The following TRABD2A variants were observed in gnomAD, a reference collection of about 807,000 sequenced individuals.
TRABD2A encodes metalloprotease TIKI1.
A neutral mutation model predicts 45.6 loss-of-function variants in TRABD2A; 43 were observed. The ratio of observed to expected loss-of-function variants is 0.94; its 90% CI spans 0.74 to 1.22. The LOEUF (loss-of-function observed/expected upper bound fraction) is 1.22. TRABD2A is among the 50% of genes most tolerant of loss of function. The pLI is 0.00. For missense variants in TRABD2A, 642 were observed against 652.4 expected (o/e 0.98, Z 0.17); for synonymous variants, 269 against 265.0 (o/e 1.02, Z -0.15).
chr2:84,876,280 T>C (rs1392183612), intron 1 of TRABD2A, among the ~76,000 whole-genome samples: 1 of 152,012 alleles, frequency 6.6e-6, no homozygotes, highest in Non-Finnish European at 1.5e-5. Flanking sequence ...CTAGACAAGG[T>C]CTCCAACAGG....
rs1681308411 is a variant in TRABD2A, at chr2:84,830,906, G to A, written c.1082+1149C>T. Reference sequence around the variant, plus strand: ...ACACAACTGCTGGATCCTCTGCCAGGGGATGGGCATTTGCATCCTGGAACT... The same window carrying A: ...ACACAACTGCTGGATCCTCTGCCAGAGGATGGGCATTTGCATCCTGGAACT... On this transcript the variant is annotated intron_variant, in intron 5 of 6. Coordinates refer to ENST00000409520, the MANE Select transcript of TRABD2A (RefSeq NM_001277053.2). The surrounding 1 kb of genome is among the most constrained non-coding windows in gnomAD (Gnocchi z 4.9). Among the ~76,000 whole-genome samples the A allele has an allele frequency of 1.3e-5, 2 of 152,174 alleles. No individual in the cohort carries two copies. The highest frequency in any genetic ancestry group is 1.3e-4 in the Admixed American group (2 of 15,284).
chr2:84,860,573 C>A (rs1573943826), intron 2 of TRABD2A, among the ~76,000 whole-genome samples: 1 of 152,184 alleles, frequency 6.6e-6, no homozygotes, highest in Admixed American at 6.5e-5. Flanking sequence ...TTTATGGCAG[C>A]CCTAGCAAAC....
chr2:84,822,450 C>T (rs193236072), intron 6 of TRABD2A, among the ~76,000 whole-genome samples: 31 of 152,314 alleles, frequency 2.0e-4, no homozygotes, highest in Non-Finnish European at 1.6e-4. Context: ...TCACTGGCCA[C>T]CACAGAGGCA....
intron 1 of TRABD2A, among the ~76,000 whole-genome samples, chr2:84,877,960 C>G (rs1223213843): frequency 6.6e-6 from 1 of 152,126 alleles, no homozygotes; most frequent in African/African-American, 2.4e-5. Context: ...CAGAAGCAAA[C>G]AAAACAGACA....
chr2:84,840,565 G>A (rs1032012561), intron 3 of TRABD2A, among the ~76,000 whole-genome samples: 2 of 152,212 alleles, frequency 1.3e-5, no homozygotes, highest in Non-Finnish European at 2.9e-5. Flanking sequence ...AGCCACAGGA[G>A]AAAAATGCAT....
chr2:84,829,363 AAC>A (rs146287038), intron 5 of TRABD2A, among the ~76,000 whole-genome samples: 4,569 of 145,536 alleles, frequency 0.031, 78 homozygotes, highest in African/African-American at 0.052. Flanking sequence ...AACAACCAGC[AAC>A]ACACACACAC....
At position 84,830,740 on chromosome 2, in the gene TRABD2A, C is replaced by T. The variant is rs1681303385; in HGVS notation, c.1082+1315G>A. ...GAAGACAGGTGGGGATGAGAGAAGT[C>T]CAGGATGTATCCAGGATTTCCCGCC... On this transcript the variant is annotated intron_variant, in intron 5 of 6. Coordinates refer to ENST00000409520, the MANE Select transcript of TRABD2A (RefSeq NM_001277053.2). The surrounding 1 kb of genome is among the most constrained non-coding windows in gnomAD (Gnocchi z 4.9). Among the ~76,000 whole-genome samples the T allele has an allele frequency of 6.6e-6, 1 of 152,066 alleles. No individual in the cohort carries two copies. Among genetic ancestry groups the T allele is most frequent in the South Asian group, 2.1e-4 (1 of 4,802 alleles).
At chr2:84,837,288 C>G (rs1681548333) in intron 4 of TRABD2A, 1 of 152,206 alleles carries the variant, frequency 6.6e-6, no homozygotes, top group Non-Finnish European at 1.5e-5. Flanking sequence ...GCCTCCGCAC[C>G]TGGCCTCTTT....
At position 84,857,049 on chromosome 2, in the gene TRABD2A, AAGACACCGTCTGCAAGCCAAGG is replaced by A. The variant is rs576398823; in HGVS notation, c.669+13154_669+13175del. Among the ~76,000 whole-genome samples, 103 of 152,274 alleles carry A rather than the reference AAGACACCGTCTGCAAGCCAAGG, an allele frequency of 6.8e-4. 5 individuals are homozygous for A. The East Asian group carries it at 0.018, about 26-fold the overall frequency. ...AAAGGCTGTGTGAGGTCACAGCAAG[AAGACACCGTCTGCAAGCCAAGG>A]AGAGAGGATTCGCCCTGATCTTGAA... On this transcript the variant is annotated intron_variant, in intron 2 of 6. Transcript: ENST00000409520.
At chr2:84,844,857 G>T (rs1237407373) in intron 2 of TRABD2A, among the ~76,000 whole-genome samples, 1 of 152,220 alleles carries the variant, frequency 6.6e-6, no homozygotes, top group African/African-American at 2.4e-5. Flanking sequence ...GATGAGCTTT[G>T]CTATTCTCTT....
At chr2:84,844,207 T>C (rs1681807110) in intron 2 of TRABD2A, among the ~76,000 whole-genome samples, 1 of 152,174 alleles carries the variant, frequency 6.6e-6, no homozygotes, top group African/African-American at 2.4e-5. Context: ...TCATCTTGAA[T>C]TGTAGCTCCT....
At chr2:84,856,881 C>A (rs1210426136) in intron 2 of TRABD2A, among the ~76,000 whole-genome samples, 1 of 152,202 alleles carries the variant, frequency 6.6e-6, no homozygotes, top group Non-Finnish European at 1.5e-5. Context: ...CCTCCCATGT[C>A]ACCATATTTG....
At chr2:84,849,077 G>A (rs1456017652) in intron 2 of TRABD2A, among the ~76,000 whole-genome samples, 2 of 147,876 alleles carry the variant, frequency 1.4e-5, no homozygotes, top group Non-Finnish European at 3.0e-5. Context: ...GTTCCCTGCA[G>A]TCTTTTAAGT....
intron 5 of TRABD2A, among the ~76,000 whole-genome samples, chr2:84,829,133 G>A (rs1276754097): frequency 2.0e-5 from 3 of 151,992 alleles, no homozygotes; most frequent in Non-Finnish European, 4.4e-5. Context: ...CTTCCCTTGC[G>A]GGCTGGTTTT....
At chr2:84,869,824 C>G (rs935042575) in intron 2 of TRABD2A, among the ~76,000 whole-genome samples, 1 of 151,770 alleles carries the variant, frequency 6.6e-6, no homozygotes, top group African/African-American at 2.4e-5. Context: ...ACTAAAAATA[C>G]AAAAAGTAGT....
At chr2:84,853,777 C>T (rs143632436) in intron 2 of TRABD2A, among the ~76,000 whole-genome samples, 99 of 152,320 alleles carry the variant, frequency 6.5e-4, no homozygotes, top group African/African-American at 2.3e-3. Context: ...GCCTATAATC[C>T]CAGCACTTTG....
intron 1 of TRABD2A, among the ~76,000 whole-genome samples, chr2:84,878,475 A>G (rs531111513): frequency 1.3e-5 from 2 of 151,476 alleles, no homozygotes; most frequent in African/African-American, 4.9e-5. Context: ...CAGTGAGCCA[A>G]TGTAGCATCA....
intron 2 of TRABD2A, among the ~76,000 whole-genome samples, chr2:84,847,876 G>A (rs1559090440): frequency 6.6e-6 from 1 of 152,170 alleles, no homozygotes; most frequent in Non-Finnish European, 1.5e-5. Context: ...TGAAGAAGTT[G>A]GGAAAGCATC....
Position 84,828,213 on chromosome 2 carries a change from T to C in TRABD2A, c.1082+3842A>G, listed in dbSNP as rs540991555. 2.0e-5 allele frequency among the ~76,000 whole-genome samples: 3 copies of C among 151,994 alleles called. No homozygotes were observed. In the South Asian group the frequency reaches 6.2e-4, roughly 32 times the overall value. On this transcript the variant is annotated intron_variant, in intron 5 of 6. Transcript: ENST00000409520. Reference sequence around the variant, plus strand: ...TTCCAGCCTGCTGACAGGTGGAGAGTGGCAGCTGCTAGTTGCCCTCCCCAC... The same window carrying C: ...TTCCAGCCTGCTGACAGGTGGAGAGCGGCAGCTGCTAGTTGCCCTCCCCAC...
Sources: allele counts gnomAD v4.1 joint callset (sites outside exome capture counted in the v4.1 genomes callset), GRCh38; gene constraint gnomAD v4.1.1; non-coding constraint Gnocchi (gnomAD v3.1); transcripts MANE v1.5; gene names NCBI Gene and HGNC (gene_info 2026-07-23, HGNC 2026-07-21).